The following PRRC2B variants were observed in gnomAD, a reference collection of about 807,000 sequenced individuals.
The protein encoded by PRRC2B is proline rich coiled-coil 2B, also known as protein PRRC2B.
PRRC2B carries 68 observed loss-of-function variants against 242.3 expected under a neutral mutation model. That is an observed-to-expected ratio of 0.28 (90% CI 0.23 to 0.34). The LOEUF is 0.34. PRRC2B is among the 10% of genes least tolerant of loss of function. The pLI is 1.00. For missense variants in PRRC2B, 2,835 were observed against 2,954.8 expected (o/e 0.96, Z 0.94); for synonymous variants, 1,228 against 1,173.6 (o/e 1.05, Z -0.95).
chr9:131,429,039 C>A (rs1248799933), intron 1 of PRRC2B, among the ~76,000 whole-genome samples: 1 of 152,110 alleles, frequency 6.6e-6, no homozygotes, highest in Admixed American at 6.5e-5. Flanking sequence ...CACTGCAGCC[C>A]AGGTTCAAGC....
intron 5 of PRRC2B, among the ~76,000 whole-genome samples, chr9:131,440,193 C>T (rs1467593007): frequency 6.6e-6 from 1 of 152,202 alleles, no homozygotes; most frequent in Non-Finnish European, 1.5e-5. Context: ...AGACGTAAGC[C>T]ACCGTGCCTG....
At chr9:131,403,673 A>C (rs1053178354) in intron 1 of PRRC2B, among the ~76,000 whole-genome samples, 9 of 59,908 alleles carry the variant, frequency 1.5e-4, no homozygotes, top group African/African-American at 4.6e-4. Context: ...AAAAAAAAAA[A>C]AAAAAACAAA....
chr9:131,420,501 T>G (rs200040956), intron 1 of PRRC2B, among the ~76,000 whole-genome samples: 1 of 19,022 alleles, frequency 5.3e-5, no homozygotes, highest in East Asian at 2.0e-3. Context: ...TTCTTTTTTT[T>G]TTTTTTTTTG....
intron 6 of PRRC2B, among the ~76,000 whole-genome samples, chr9:131,444,980 A>G (rs1019958065): frequency 2.6e-4 from 40 of 152,146 alleles, no homozygotes; most frequent in African/African-American, 9.2e-4. Context: ...CATGTAGTCC[A>G]GGGGTCTTGA....
intron 9 of PRRC2B, among the ~76,000 whole-genome samples, chr9:131,454,026 C>T (rs1057256647): frequency 5.3e-5 from 8 of 152,178 alleles, no homozygotes; most frequent in South Asian, 4.1e-4. Context: ...TGTTGGCAGG[C>T]GCTCTCTCCC....
At position 131,459,317 on chromosome 9, in the gene PRRC2B, C is replaced by A. The variant is rs190577269; in HGVS notation, c.1365C>A (p.Pro455=). The change falls in exon 11 of 32, where the codon CCC becomes CCA. Residue 455 remains proline (P), a synonymous_variant. Coordinates refer to ENST00000683519, the MANE Select transcript of PRRC2B (RefSeq NM_013318.4). ...AGGCGCCAGACCCTCAGCCACCGCCCAGGAAGCTTCATGGCTGGGCACCAG... is the reference window on the plus strand; with the variant it reads ...AGGCGCCAGACCCTCAGCCACCGCCAAGGAAGCTTCATGGCTGGGCACCAG... ...VRKAPDPQPP[P]RKLHGWAPGP... 6.2e-7 allele frequency: 1 copy of A among 1,613,796 alleles called. No individual in the cohort carries two copies. The highest frequency in any genetic ancestry group is 1.7e-5 in the Admixed American group (1 of 60,010).
intron 11 of PRRC2B, among the ~76,000 whole-genome samples, chr9:131,461,634 C>A (rs570606932): frequency 6.6e-6 from 1 of 152,190 alleles, no homozygotes; most frequent in African/African-American, 2.4e-5. Context: ...CTCTGCCTCC[C>A]GGGTTCAAGC....
At chr9:131,443,373 T>A (rs1205846907) in intron 5 of PRRC2B, among the ~76,000 whole-genome samples, 2 of 151,838 alleles carry the variant, frequency 1.3e-5, no homozygotes, top group African/African-American at 4.8e-5. Context: ...CCTGACCTCA[T>A]GATCCGCCCG....
chr9:131,448,792 C>CT (rs1838916238), intron 9 of PRRC2B, among the ~76,000 whole-genome samples: 1 of 151,922 alleles, frequency 6.6e-6, no homozygotes, highest in African/African-American at 2.4e-5. Flanking sequence ...TTTTATAGTT[C>CT]TTTTTATTTT....
intron 4 of PRRC2B, among the ~76,000 whole-genome samples, chr9:131,438,717 A>G (rs1338029088): frequency 3.3e-5 from 5 of 152,096 alleles, no homozygotes; most frequent in South Asian, 4.1e-4. Flanking sequence ...TTGCTGTGTC[A>G]CTGTCTGTGT....
chr9:131,408,330 A>G (rs538010832), intron 1 of PRRC2B, among the ~76,000 whole-genome samples: 111 of 152,338 alleles, frequency 7.3e-4, no homozygotes, highest in Non-Finnish European at 1.5e-3. Flanking sequence ...CCCAGCATGT[A>G]AAGATACATG....
At chr9:131,393,303 A>T (rs905483802), upstream of PRRC2B, among the ~76,000 whole-genome samples, 12 of 149,308 alleles carry the variant, frequency 8.0e-5, no homozygotes, top group African/African-American at 3.0e-4. Flanking sequence ...AGGCCCTAAC[A>T]TTTTTTTTTT....
intron 10 of PRRC2B, 67 bp downstream of exon 10, chr9:131,455,233 C>T: frequency 8.8e-7 from 1 of 1,137,272 alleles, no homozygotes; most frequent in South Asian, 1.4e-5. Context: ...GTACCCAGAG[C>T]ATTTCCCAGT....
At position 131,489,387 on chromosome 9, in the gene PRRC2B, T is replaced by G. The variant is rs570765872; in HGVS notation, c.6225+1291T>G. On this transcript the variant is annotated intron_variant, in intron 28 of 31. Transcript: ENST00000683519. ...TTTAGTAGAGATGGGGGTTTCACCA[T>G]GTCAGGCTGATCTCGAACTGCTGAC... Among the ~76,000 whole-genome samples, 22 of 152,100 alleles carry G rather than the reference T, an allele frequency of 1.4e-4. No homozygotes were observed. In the South Asian group the frequency reaches 3.3e-3, roughly 23 times the overall value.
rs980228052 is a variant in PRRC2B, at chr9:131,418,884, C to T, written c.-51-11210C>T. Among the ~76,000 whole-genome samples the T allele has an allele frequency of 3.9e-5, 6 of 152,148 alleles. No individual in the cohort carries two copies. In the East Asian group the frequency reaches 1.2e-3, roughly 29 times the overall value. ...AAGTCAAAACACAGTAGAACACGGG[C>T]GAGGCAGATGATTAGTATTGCAGCG... On this transcript the variant is annotated intron_variant, in intron 1 of 31. Coordinates refer to ENST00000683519, the MANE Select transcript of PRRC2B (RefSeq NM_013318.4).
intron 12 of PRRC2B, 121 bp downstream of exon 12, chr9:131,465,199 G>C: frequency 1.0e-6 from 1 of 972,752 alleles, no homozygotes; most frequent in Non-Finnish European, 1.5e-6. Flanking sequence ...GATCGTATTG[G>C]GAAGCATCAG....
At chr9:131,432,449 A>C (rs1366903552) in intron 2 of PRRC2B, among the ~76,000 whole-genome samples, 168 bp from the exon 3 acceptor site, 1 of 152,160 alleles carries the variant, frequency 6.6e-6, no homozygotes. Context: ...AAAGTGACTA[A>C]AGTGACACCA....
chr9:131,487,158 C>G lies in PRRC2B; in HGVS notation c.5857-9C>G, dbSNP rs368174453. 6.2e-7 allele frequency: 1 copy of G among 1,613,116 alleles called. No individual in the cohort carries two copies. The highest frequency in any genetic ancestry group is 1.3e-5 in the African/African-American group (1 of 75,024). ...GGTTACCTCCCCGACCCCGTTTTCC[C>G]GTTCACAGGCCGCCGCTGCCCAGCA... is the stretch of plus-strand genomic sequence containing the variant. On this transcript the variant is annotated splice_polypyrimidine_tract_variant and intron_variant, in intron 26 of 31. Transcript: ENST00000683519. The surrounding 1 kb of genome is among the most constrained non-coding windows in gnomAD (Gnocchi z 5.3).
intron 1 of PRRC2B, among the ~76,000 whole-genome samples, chr9:131,375,049 A>T (rs1836666739): frequency 6.6e-6 from 1 of 152,148 alleles, no homozygotes; most frequent in South Asian, 2.1e-4. Flanking sequence ...TGTCCCTTCC[A>T]TACATGTGCT....
Sources: gnomAD v4.1 joint callset for allele counts (sites outside exome capture counted in the v4.1 genomes callset) on GRCh38, gnomAD v4.1.1 for gene constraint, Gnocchi (gnomAD v3.1) non-coding constraint, MANE v1.5 for transcripts, NCBI Gene and HGNC (gene_info 2026-07-23, HGNC 2026-07-21) for gene names.